Variants in ZMAT4 observed in about 807,000 individuals in gnomAD.
ZMAT4 encodes zinc finger matrin-type protein 4.
A neutral mutation model predicts 28.7 loss-of-function variants in ZMAT4; 17 were observed. That is an observed-to-expected ratio of 0.59 (90% CI 0.41 to 0.89). The LOEUF (loss-of-function observed/expected upper bound fraction) is 0.89, where lower values mean the gene tolerates loss of function less well. Ranked by LOEUF, ZMAT4 falls within the 40% of genes least tolerant of loss-of-function variation. The pLI is 0.00. For missense variants in ZMAT4, 240 were observed against 283.8 expected (o/e 0.85, Z 1.11); for synonymous variants, 117 against 109.2 (o/e 1.07, Z -0.44).
chr8:40,577,976 A>G (rs894124879), intron 6 of ZMAT4, among the ~76,000 whole-genome samples: 1 of 152,060 alleles, frequency 6.6e-6, no homozygotes, highest in African/African-American at 2.4e-5. Flanking sequence ...TACCATGATT[A>G]TGGATTAGAA....
At chr8:40,875,060 C>T (rs553987925) in intron 1 of ZMAT4, among the ~76,000 whole-genome samples, 1 of 152,326 alleles carries the variant, frequency 6.6e-6, no homozygotes, top group South Asian at 2.1e-4. Context: ...CACCCAGGAA[C>T]TGTCCAATAT....
chr8:40,778,735 C>T (rs1383768167), intron 2 of ZMAT4, among the ~76,000 whole-genome samples: 1 of 152,170 alleles, frequency 6.6e-6, no homozygotes, highest in East Asian at 1.9e-4. Context: ...TGCAGCTCAA[C>T]CCCCACCTGC....
intron 2 of ZMAT4, among the ~76,000 whole-genome samples, chr8:40,793,489 C>T (rs1814452296): frequency 6.6e-6 from 1 of 152,202 alleles, no homozygotes; most frequent in African/African-American, 2.4e-5. Flanking sequence ...TTCCTAATAG[C>T]ATGATTTAAC....
intron 5 of ZMAT4, among the ~76,000 whole-genome samples, chr8:40,657,233 A>C (rs1289221248): frequency 6.6e-6 from 1 of 152,112 alleles, no homozygotes. Context: ...GAACAAAGAA[A>C]GCGTGTTATG....
chr8:40,843,498 A>T (rs1251871260), intron 1 of ZMAT4, among the ~76,000 whole-genome samples: 1 of 152,188 alleles, frequency 6.6e-6, no homozygotes, highest in Non-Finnish European at 1.5e-5. Context: ...AGGGGACAGA[A>T]TGCTTCCCAG....
intron 2 of ZMAT4, among the ~76,000 whole-genome samples, chr8:40,820,521 T>C (rs1815730201): frequency 6.6e-6 from 1 of 151,192 alleles, no homozygotes; most frequent in African/African-American, 2.4e-5. Context: ...TTGGTGTGTA[T>C]ATGCATGTGT....
At chr8:40,895,556 AG>A in intron 1 of ZMAT4, among the ~76,000 whole-genome samples, 1 of 152,296 alleles carries the variant, frequency 6.6e-6, no homozygotes, top group African/African-American at 2.4e-5. Context: ...AGGATTGAGG[AG>A]GAGGCAGAGG....
chr8:40,700,972 T>G (rs1169482910), intron 3 of ZMAT4, among the ~76,000 whole-genome samples: 1 of 152,018 alleles, frequency 6.6e-6, no homozygotes, highest in Admixed American at 6.6e-5. Context: ...ACTGAATGAG[T>G]GGAGCAGAGG....
intron 5 of ZMAT4, among the ~76,000 whole-genome samples, chr8:40,635,822 A>T (rs867743450): frequency 6.6e-6 from 1 of 152,194 alleles, no homozygotes; most frequent in Non-Finnish European, 1.5e-5. Flanking sequence ...ACTAATAGAC[A>T]TGGTCTTTGT....
intron 5 of ZMAT4, among the ~76,000 whole-genome samples, chr8:40,616,371 C>T (rs1271527460): frequency 3.3e-5 from 5 of 152,170 alleles, no homozygotes; most frequent in Non-Finnish European, 5.9e-5. Context: ...TTTGACCCAG[C>T]CATCCCATTA....
chr8:40,831,243 G>A (rs181323254), intron 1 of ZMAT4, among the ~76,000 whole-genome samples: 325 of 152,232 alleles, frequency 2.1e-3, no homozygotes, highest in Middle Eastern at 0.01. Flanking sequence ...TCAGGCCTGT[G>A]AAGACCCCGT....
chr8:40,566,370 T>C (rs1803924591), intron 6 of ZMAT4, among the ~76,000 whole-genome samples: 1 of 152,218 alleles, frequency 6.6e-6, no homozygotes, highest in Admixed American at 6.5e-5. Context: ...GATCTTTTTT[T>C]AACTTGTGCT....
intron 3 of ZMAT4, among the ~76,000 whole-genome samples, chr8:40,720,726 A>G (rs1811048658): frequency 6.6e-6 from 1 of 151,774 alleles, no homozygotes; most frequent in Non-Finnish European, 1.5e-5. Context: ...GGGTTTCACC[A>G]TGTTAGCCAG....
At chr8:40,688,071 C>T (rs1809494196) in intron 4 of ZMAT4, among the ~76,000 whole-genome samples, 1 of 152,188 alleles carries the variant, frequency 6.6e-6, no homozygotes, top group African/African-American at 2.4e-5. Flanking sequence ...ACGACCGAGA[C>T]AAACTGCTGC....
intron 1 of ZMAT4, among the ~76,000 whole-genome samples, chr8:40,848,793 C>T (rs137974647): frequency 2.6e-5 from 4 of 152,316 alleles, no homozygotes; most frequent in African/African-American, 4.8e-5. Flanking sequence ...AATACCAGTA[C>T]TGTTACTCAG....
intron 1 of ZMAT4, among the ~76,000 whole-genome samples, chr8:40,856,603 G>T (rs1248633608): frequency 6.6e-6 from 1 of 152,204 alleles, no homozygotes; most frequent in Non-Finnish European, 1.5e-5. Context: ...GTAGCATAAA[G>T]CCAGGAGACA....
At chr8:40,813,828 G>A (rs559374797) in intron 2 of ZMAT4, among the ~76,000 whole-genome samples, 1 of 152,226 alleles carries the variant, frequency 6.6e-6, no homozygotes, top group Non-Finnish European at 1.5e-5. Context: ...TTGGGGAATG[G>A]CATAGCCAGG....
chr8:40,754,257 G>A (rs1812579541), intron 3 of ZMAT4, among the ~76,000 whole-genome samples: 1 of 152,092 alleles, frequency 6.6e-6, no homozygotes, highest in African/African-American at 2.4e-5. Flanking sequence ...TAAAACAGTG[G>A]AGTTAGAGTA....
intron 5 of ZMAT4, among the ~76,000 whole-genome samples, chr8:40,640,022 C>T (rs1057072378): frequency 2.0e-5 from 3 of 152,128 alleles, no homozygotes. Context: ...CTCACTCTGT[C>T]ACCCTGTGCA....
Sources: gnomAD v4.1 joint callset for allele counts (sites outside exome capture counted in the v4.1 genomes callset) on GRCh38, gnomAD v4.1.1 for gene constraint, MANE v1.5 for transcripts, NCBI Gene and HGNC (gene_info 2026-07-23, HGNC 2026-07-21) for gene names.